Variants in LRRC4C observed in about 807,000 individuals in gnomAD.
LRRC4C encodes the protein leucine-rich repeat-containing protein 4C.
In LRRC4C, 5 loss-of-function variants were observed where a neutral mutation model predicts 33.6. The ratio of observed to expected loss-of-function variants is 0.15; its 90% CI spans 0.08 to 0.31. The LOEUF is 0.31. Among genes scored for constraint, LRRC4C ranks in the 10% least tolerant of loss-of-function variants. The pLI, the probability that LRRC4C is intolerant of heterozygous loss-of-function variation, is 1.00. For missense variants in LRRC4C, 560 were observed against 796.7 expected, an observed-to-expected ratio of 0.70 and a Z score of 3.58; for synonymous variants, 329 against 302.0, an observed-to-expected ratio of 1.09 and a Z score of -0.93.
intron 6 of LRRC4C, among the ~76,000 whole-genome samples, chr11:40,136,260 CTTTTCTTTTTTCT>C (rs1856965138): frequency 6.6e-6 from 1 of 151,636 alleles, no homozygotes; most frequent in Non-Finnish European, 1.5e-5. Context: ...CATCCAGAGA[CTTTTCTTTTTTCT>C]TTTTCTTTTT....
chr11:40,197,516 A>C (rs1427471296), intron 5 of LRRC4C, among the ~76,000 whole-genome samples: 1 of 152,352 alleles, frequency 6.6e-6, no homozygotes, highest in Admixed American at 6.5e-5. Flanking sequence ...GCTTACGCTT[A>C]GGACTTTCCG....
chr11:40,445,133 C>G lies in LRRC4C; in HGVS notation c.-269-125412G>C, dbSNP rs77247358. Among the ~76,000 whole-genome samples the G allele has an allele frequency of 9.9e-5, 15 of 152,096 alleles. No homozygotes were observed. The East Asian group carries it at 1.7e-3, about 18-fold the overall frequency. ...ATGTTCATCATTTCTGACCATATTC[C>G]CTATAAAAATCTCAGTTTTGCATGG... On this transcript the variant is annotated intron_variant, in intron 3 of 6. Transcript: ENST00000528697.
At chr11:40,342,500 AG>A (rs1180612639) in intron 3 of LRRC4C, among the ~76,000 whole-genome samples, 1 of 152,108 alleles carries the variant, frequency 6.6e-6, no homozygotes, top group Non-Finnish European at 1.5e-5. Context: ...AGAAAAGAAA[AG>A]GCTTATATCT....
At chr11:40,952,231 T>C (rs1355919439) in intron 1 of LRRC4C, among the ~76,000 whole-genome samples, 1 of 151,878 alleles carries the variant, frequency 6.6e-6, no homozygotes, top group Non-Finnish European at 1.5e-5. Context: ...GGGATATGGA[T>C]CCCAAGTCTT....
intron 1 of LRRC4C, among the ~76,000 whole-genome samples, chr11:41,246,490 G>A (rs1346980377): frequency 6.6e-6 from 1 of 152,154 alleles, no homozygotes; most frequent in African/African-American, 2.4e-5. Context: ...TCGTGGCTGA[G>A]CAGCTATAGC....
At chr11:40,988,650 T>C (rs1028682997) in intron 1 of LRRC4C, among the ~76,000 whole-genome samples, 6 of 151,792 alleles carry the variant, frequency 4.0e-5, no homozygotes, top group Admixed American at 6.6e-5. Flanking sequence ...TAATGCCTAC[T>C]CAGGATTCAA....
rs185791619 is a variant in LRRC4C, at chr11:40,708,264, G to A, written c.-406-59986C>T. On this transcript the variant is annotated intron_variant, in intron 2 of 6. Transcript: ENST00000528697. Reference sequence around the variant, plus strand: ...TCTTGCCTTCTGCTAGCTTTTGAATGTGTTTGCTCTTGCTTCTCTAGTTCT... The same window carrying A: ...TCTTGCCTTCTGCTAGCTTTTGAATATGTTTGCTCTTGCTTCTCTAGTTCT... Among the ~76,000 whole-genome samples, 11 of 152,160 alleles carry A rather than the reference G, an allele frequency of 7.2e-5. No individual in the cohort carries two copies. The East Asian group carries it at 1.9e-3, about 27-fold the overall frequency.
Position 40,214,502 on chromosome 11 carries a change from G to A in LRRC4C, c.-96+27017C>T, listed in dbSNP as rs192468264. Reference sequence around the variant, plus strand: ...CCTCAAAATACTCCCTAATTCATTTGTTGGAGCCCAAAGCCCAAAAGTTAC... The same window carrying A: ...CCTCAAAATACTCCCTAATTCATTTATTGGAGCCCAAAGCCCAAAAGTTAC... On this transcript the variant is annotated intron_variant, in intron 5 of 6. Coordinates refer to ENST00000528697, the MANE Select transcript of LRRC4C (RefSeq NM_001258419.2). Among the ~76,000 whole-genome samples the A allele has an allele frequency of 2.6e-5, 4 of 152,182 alleles. No homozygotes were observed. The South Asian group carries it at 8.3e-4, about 32-fold the overall frequency.
intron 1 of LRRC4C, among the ~76,000 whole-genome samples, chr11:41,166,691 C>G (rs189742924): frequency 4.6e-5 from 7 of 152,254 alleles, no homozygotes; most frequent in African/African-American, 1.4e-4. Flanking sequence ...AAGAATTACT[C>G]AAAAGACAAG....
intron 3 of LRRC4C, among the ~76,000 whole-genome samples, chr11:40,622,795 A>G (rs554373904): frequency 6.6e-6 from 1 of 151,814 alleles, no homozygotes; most frequent in South Asian, 2.1e-4. Flanking sequence ...CACACTCTCT[A>G]TATCATAGAA....
chr11:40,186,484 T>C (rs1487754080), intron 5 of LRRC4C, among the ~76,000 whole-genome samples: 1 of 152,196 alleles, frequency 6.6e-6, no homozygotes, highest in Non-Finnish European at 1.5e-5. Context: ...TTGTTGGGGC[T>C]GTGAAAAACA....
In LRRC4C at chr11:40,174,069, C is replaced by T. The variant is rs141280766; in HGVS notation, c.-95-33216G>A. 7.2e-4 allele frequency among the ~76,000 whole-genome samples: 110 copies of T among 152,172 alleles called. 1 individual carries two copies. The highest frequency in any genetic ancestry group is 2.2e-3 in the African/African-American group (91 of 41,530). ...AAAGCCCCACCTAATTGAGGAACAA[C>T]GGTATACACACTAAAATGTTGATGA... is the stretch of plus-strand genomic sequence containing the variant. On this transcript the variant is annotated intron_variant, in intron 5 of 6. Transcript: ENST00000528697.
At chr11:40,380,906 C>G (rs1008331796) in intron 3 of LRRC4C, among the ~76,000 whole-genome samples, 1 of 152,160 alleles carries the variant, frequency 6.6e-6, no homozygotes, top group Non-Finnish European at 1.5e-5. Flanking sequence ...AAATGATCTT[C>G]TACCTATCTG....
chr11:41,231,258 T>C (rs1383372925), intron 1 of LRRC4C, among the ~76,000 whole-genome samples: 1 of 152,086 alleles, frequency 6.6e-6, no homozygotes, highest in African/African-American at 2.4e-5. Flanking sequence ...GCCATCCCAT[T>C]ACTGGGTATA....
intron 3 of LRRC4C, among the ~76,000 whole-genome samples, chr11:40,580,416 CACA>C (rs2135639602): frequency 6.6e-6 from 1 of 152,222 alleles, no homozygotes; most frequent in South Asian, 2.1e-4. Flanking sequence ...ACCTCCCTCC[CACA>C]ACATGTAGGG....
intron 3 of LRRC4C, among the ~76,000 whole-genome samples, chr11:40,614,738 G>T (rs1433888858): frequency 2.6e-5 from 4 of 151,662 alleles, no homozygotes; most frequent in South Asian, 2.1e-4. Context: ...TCACTGTAGG[G>T]TTATTAACTA....
chr11:40,705,495 T>C (rs1174626291), intron 2 of LRRC4C, among the ~76,000 whole-genome samples: 2 of 143,480 alleles, frequency 1.4e-5, no homozygotes, highest in East Asian at 4.9e-4. Context: ...CTGAGAATGA[T>C]GGTTTCCAGC....
At chr11:40,619,514 C>G (rs948253258) in intron 3 of LRRC4C, among the ~76,000 whole-genome samples, 4 of 151,664 alleles carry the variant, frequency 2.6e-5, no homozygotes, top group Non-Finnish European at 4.4e-5. Flanking sequence ...ACAAAACTAC[C>G]CTCAGTAGCT....
intron 5 of LRRC4C, among the ~76,000 whole-genome samples, chr11:40,177,988 A>G (rs1008845538): frequency 2.6e-5 from 4 of 152,210 alleles, no homozygotes; most frequent in Admixed American, 6.5e-5. Flanking sequence ...TAGGAGGTGC[A>G]TATGGCTTGC....
Sources: allele counts gnomAD v4.1 joint callset (sites outside exome capture counted in the v4.1 genomes callset), GRCh38; gene constraint gnomAD v4.1.1; transcripts MANE v1.5; gene names NCBI Gene and HGNC (gene_info 2026-07-23, HGNC 2026-07-21).